C8orf34: variants seen among roughly 807,000 people sequenced by gnomAD.
C8orf34 encodes the protein chromosome 8 open reading frame 34, also known as uncharacterized protein C8orf34.
Under a neutral mutation model 68.3 loss-of-function variants are expected in C8orf34, and 65 were observed. The ratio of observed to expected loss-of-function variants is 0.95; its 90% CI spans 0.78 to 1.17. The LOEUF (loss-of-function observed/expected upper bound fraction) is 1.17, where lower values mean the gene tolerates loss of function less well. Ranked by LOEUF, C8orf34 falls within the 50% of genes most tolerant of loss-of-function variation. C8orf34 has a pLI of 0.00. For missense variants in C8orf34, 664 were observed against 655.4 expected (o/e 1.01, Z -0.14); for synonymous variants, 244 against 241.2 (o/e 1.01, Z -0.11).
intron 1 of C8orf34, among the ~76,000 whole-genome samples, chr8:68,337,210 A>T (rs1208594925): frequency 6.6e-6 from 1 of 152,196 alleles, no homozygotes; most frequent in Admixed American, 6.5e-5. Context: ...TTATAAAGGG[A>T]AAAAGTGACT....
intron 7 of C8orf34, among the ~76,000 whole-genome samples, chr8:68,604,857 A>T (rs1032818685): frequency 2.0e-5 from 3 of 152,142 alleles, no homozygotes; most frequent in African/African-American, 7.2e-5. Flanking sequence ...AAGAAGCTAA[A>T]CTTAATGAAA....
At chr8:68,632,553 T>G (rs543428034) in intron 7 of C8orf34, among the ~76,000 whole-genome samples, 2 of 152,004 alleles carry the variant, frequency 1.3e-5, no homozygotes, top group East Asian at 3.9e-4. Flanking sequence ...AGGAGCCCAA[T>G]GTTAATGGCA....
intron 4 of C8orf34, among the ~76,000 whole-genome samples, chr8:68,481,087 A>G (rs1385959881): frequency 6.6e-6 from 1 of 152,154 alleles, no homozygotes; most frequent in Admixed American, 6.5e-5. Flanking sequence ...ATGTAATTTC[A>G]TGGGCCAGGT....
chr8:68,457,674 T>C (rs1447651953), intron 3 of C8orf34, among the ~76,000 whole-genome samples: 2 of 152,094 alleles, frequency 1.3e-5, no homozygotes, highest in African/African-American at 2.4e-5. Context: ...CTTTGTAACA[T>C]AGTGTCCTCA....
At chr8:68,377,945 G>A (rs1472729600) in intron 1 of C8orf34, among the ~76,000 whole-genome samples, 5 of 152,074 alleles carry the variant, frequency 3.3e-5, no homozygotes, top group Non-Finnish European at 7.4e-5. Flanking sequence ...AGATGCTTAT[G>A]AAACCATCAG....
At chr8:68,678,876 AC>A (rs1271651503) in intron 8 of C8orf34, among the ~76,000 whole-genome samples, 3 of 147,910 alleles carry the variant, frequency 2.0e-5, no homozygotes, top group African/African-American at 7.4e-5. Context: ...AAAAAAAAAA[AC>A]TGTTAGAACT....
At chr8:68,345,363 T>C (rs1806236766) in intron 1 of C8orf34, among the ~76,000 whole-genome samples, 1 of 151,978 alleles carries the variant, frequency 6.6e-6, no homozygotes. Flanking sequence ...TACTCCATGA[T>C]ATACTTTAAA....
At chr8:68,520,705 T>A (rs57010866) in intron 5 of C8orf34, among the ~76,000 whole-genome samples, 1 of 151,426 alleles carries the variant, frequency 6.6e-6, no homozygotes, top group Non-Finnish European at 1.5e-5. Flanking sequence ...CCTCGTTATC[T>A]GCACACCTCG....
At chr8:68,657,623 CT>C (rs1395409687) in intron 8 of C8orf34, among the ~76,000 whole-genome samples, 1 of 152,202 alleles carries the variant, frequency 6.6e-6, no homozygotes, top group Non-Finnish European at 1.5e-5. Flanking sequence ...GCAATTGCTT[CT>C]TTTACTTTTC....
chr8:68,711,016 C>T (rs138550056), intron 9 of C8orf34, among the ~76,000 whole-genome samples: 148 of 152,288 alleles, frequency 9.7e-4, no homozygotes, highest in Non-Finnish European at 1.9e-3. Context: ...CTCCCCAGTA[C>T]CAGCCCAGAG....
At chr8:68,662,414 G>C (rs952361527) in intron 8 of C8orf34, among the ~76,000 whole-genome samples, 1 of 152,164 alleles carries the variant, frequency 6.6e-6, no homozygotes, top group African/African-American at 2.4e-5. Context: ...ATCTCACCTT[G>C]AGTTATAATA....
intron 1 of C8orf34, among the ~76,000 whole-genome samples, chr8:68,354,016 G>A (rs1187559158): frequency 6.6e-6 from 1 of 151,950 alleles, no homozygotes; most frequent in East Asian, 1.9e-4. Flanking sequence ...ATATGTGCTT[G>A]TATTTGTGTA....
chr8:68,475,836 G>C (rs1812591174), intron 4 of C8orf34, among the ~76,000 whole-genome samples: 1 of 152,166 alleles, frequency 6.6e-6, no homozygotes, highest in South Asian at 2.1e-4. Context: ...ATGTGAGGTA[G>C]TGGTGGGATG....
At chr8:68,373,651 TTTAAG>T (rs1303931545) in intron 1 of C8orf34, among the ~76,000 whole-genome samples, 1 of 152,214 alleles carries the variant, frequency 6.6e-6, no homozygotes, top group African/African-American at 2.4e-5. Flanking sequence ...AATTTATTTC[TTTAAG>T]TTACTATATA....
chr8:68,345,217 G>A, intron 1 of C8orf34, among the ~76,000 whole-genome samples: 1 of 151,844 alleles, frequency 6.6e-6, no homozygotes, highest in Non-Finnish European at 1.5e-5. Context: ...GAACACAAAG[G>A]AAAATGGAAA....
At chr8:68,525,623 G>T in intron 6 of C8orf34, 2 of 760,096 alleles carry the variant, frequency 2.6e-6, no homozygotes, top group East Asian at 2.5e-5. Context: ...GAACTGGTCA[G>T]ATGGGAGCAG....
intron 2 of C8orf34, among the ~76,000 whole-genome samples, chr8:68,442,907 A>C (rs1317987304): frequency 6.6e-6 from 1 of 152,234 alleles, no homozygotes; most frequent in Non-Finnish European, 1.5e-5. Flanking sequence ...AGGCTGTGAG[A>C]TTAATCAGAG....
At chr8:68,462,897 C>T (rs1048212100) in intron 3 of C8orf34, among the ~76,000 whole-genome samples, 1 of 152,162 alleles carries the variant, frequency 6.6e-6, no homozygotes, top group Admixed American at 6.5e-5. Flanking sequence ...AAAGCAAGAG[C>T]AAACACATTC....
At chr8:68,443,483 C>T (rs1464523910) in intron 2 of C8orf34, among the ~76,000 whole-genome samples, 1 of 152,034 alleles carries the variant, frequency 6.6e-6, no homozygotes, top group African/African-American at 2.4e-5. Flanking sequence ...CAACCTCTGC[C>T]TCCTGGGTTC....
Sources: allele counts gnomAD v4.1 joint callset (sites outside exome capture counted in the v4.1 genomes callset), GRCh38; gene constraint gnomAD v4.1.1; transcripts MANE v1.5; gene names NCBI Gene and HGNC (gene_info 2026-07-23, HGNC 2026-07-21).